Variants in CRTC3 observed in about 807,000 individuals in gnomAD.
The protein encoded by CRTC3 is CREB regulated transcription coactivator 3, also known as CREB-regulated transcription coactivator 3.
In CRTC3, 26 loss-of-function variants were observed where a neutral mutation model predicts 74.5. That is an observed-to-expected ratio of 0.35 (90% confidence interval 0.26 to 0.48). The LOEUF is 0.48. Ranked by LOEUF, CRTC3 falls within the 20% of genes least tolerant of loss-of-function variation. The pLI is 0.99. For missense variants in CRTC3, 760 were observed against 787.3 expected (o/e 0.97, Z 0.41); for synonymous variants, 377 against 325.8 (o/e 1.16, Z -1.69).
rs1403645532 is a variant in CRTC3, at chr15:90,643,311, A to T, written c.*1171A>T. On this transcript the variant is annotated 3_prime_UTR_variant, in exon 15 of 15. Coordinates refer to ENST00000268184, the MANE Select transcript of CRTC3 (RefSeq NM_022769.5). ...TTCTCAGAGCTTTAGCTTTTCTAGCACTCGTGCCTATGGTGAAGCATGCAC... is the reference window on the plus strand; with the variant it reads ...TTCTCAGAGCTTTAGCTTTTCTAGCTCTCGTGCCTATGGTGAAGCATGCAC... The T allele has an allele frequency of 4.3e-6, 1 of 231,042 alleles. No individual in the cohort carries two copies. The highest frequency in any genetic ancestry group is 8.6e-6 in the Non-Finnish European group (1 of 116,804). The allele number at this position is 231,042 out of a possible 1,614,324, so 14.3% of individuals were successfully genotyped here.
At chr15:90,568,788 C>T (rs1967185508) in intron 2 of CRTC3, among the ~76,000 whole-genome samples, 1 of 152,208 alleles carries the variant, frequency 6.6e-6, no homozygotes, top group Non-Finnish European at 1.5e-5. Context: ...CAACGTTCAG[C>T]AACCACCACT....
intron 9 of CRTC3, among the ~76,000 whole-genome samples, chr15:90,624,131 C>T (rs1186344784): frequency 1.3e-5 from 2 of 152,140 alleles, no homozygotes; most frequent in Non-Finnish European, 2.9e-5. Flanking sequence ...TGGCTGGCCC[C>T]TGGGAGGTGC....
intron 10 of CRTC3, among the ~76,000 whole-genome samples, chr15:90,626,314 T>C (rs976616715): frequency 6.6e-6 from 1 of 152,240 alleles, no homozygotes; most frequent in African/African-American, 2.4e-5. Context: ...TTAGTGGCTG[T>C]CATCAACATA....
chr15:90,613,175 T>A (rs1158435368), intron 6 of CRTC3, among the ~76,000 whole-genome samples: 2 of 119,820 alleles, frequency 1.7e-5, no homozygotes, highest in Non-Finnish European at 3.3e-5. Context: ...AAAGTGAGAC[T>A]CTGTCTCGGG....
intron 13 of CRTC3, among the ~76,000 whole-genome samples, chr15:90,639,518 C>T (rs1379432609): frequency 6.8e-6 from 1 of 146,726 alleles, no homozygotes; most frequent in African/African-American, 2.5e-5. Flanking sequence ...GGCGTGATCT[C>T]GGCTTACTGC....
At chr15:90,591,841 A>C (rs1277746743) in intron 2 of CRTC3, among the ~76,000 whole-genome samples, 2 of 152,200 alleles carry the variant, frequency 1.3e-5, no homozygotes, top group African/African-American at 4.8e-5. Flanking sequence ...GCCAAGAAGC[A>C]CCTGATGTCA....
chr15:90,533,539 TGG>T (rs1966669119), intron 1 of CRTC3, among the ~76,000 whole-genome samples: 1 of 152,084 alleles, frequency 6.6e-6, no homozygotes, highest in Non-Finnish European at 1.5e-5. Context: ...TTGTTGTTAA[TGG>T]GGTGTGTGTT....
chr15:90,552,995 C>A (rs1349389498), intron 2 of CRTC3, among the ~76,000 whole-genome samples: 1 of 152,170 alleles, frequency 6.6e-6, no homozygotes, highest in African/African-American at 2.4e-5. Context: ...CTGAGACAAT[C>A]TGCTTTTATC....
At chr15:90,552,367 G>A (rs1384400253) in intron 2 of CRTC3, among the ~76,000 whole-genome samples, 4 of 152,202 alleles carry the variant, frequency 2.6e-5, no homozygotes, top group Non-Finnish European at 5.9e-5. Flanking sequence ...TTGAGTCACA[G>A]ATCAGAGAGT....
chr15:90,643,821 T>C lies in CRTC3; in HGVS notation c.*1681T>C, dbSNP rs1969536322. Reference sequence around the variant, plus strand: ...GCCAGGACCTTTGCTTGGACAGCCATTGCCCTTCCAGGAGACCCTGGAGTG... The same window carrying C: ...GCCAGGACCTTTGCTTGGACAGCCACTGCCCTTCCAGGAGACCCTGGAGTG... On this transcript the variant is annotated 3_prime_UTR_variant, in exon 15 of 15. Transcript: ENST00000268184. 4.3e-6 allele frequency: 1 copy of C among 231,334 alleles called. No homozygotes were observed. Among genetic ancestry groups the C allele is most frequent in the African/African-American group, 2.2e-5 (1 of 45,118 alleles). The allele number at this position is 231,334 out of a possible 1,614,324, so 14.3% of individuals were successfully genotyped here. A position where few individuals can be genotyped will look rare whatever the true frequency, so the allele number is the denominator to read the frequency against.
chr15:90,587,223 A>G (rs1184770862), intron 2 of CRTC3, among the ~76,000 whole-genome samples: 1 of 152,222 alleles, frequency 6.6e-6, no homozygotes, highest in East Asian at 1.9e-4. Context: ...GTGTGCACCT[A>G]CACGTAACTG....
At position 90,641,121 on chromosome 15, in the gene CRTC3, C is replaced by G. The variant is rs1969424084; in HGVS notation, c.1573C>G (p.Arg525Gly). The G allele has an allele frequency of 1.2e-6, 2 of 1,613,878 alleles. No homozygotes were observed. The highest frequency in any genetic ancestry group is 2.7e-5 in the African/African-American group (2 of 75,018). ...GGTGCCTCTGGTGCAACAAGGTTCC[C>G]GAGAACTGCAGGACTCTTTTCATTT... ...QQVPLVQQGS[R>G]ELQDSFHLRP... is the part of the protein sequence containing the mutation. Residue 525 changes from arginine to glycine, a missense_variant, in exon 14 of 15, where the codon CGA (arginine) becomes GGA (glycine). Physicochemically the swap from Arg to Gly is moderately radical, Grantham distance 125. Transcript: ENST00000268184.
At chr15:90,593,091 T>C (rs1030310129) in intron 2 of CRTC3, among the ~76,000 whole-genome samples, 7 of 152,136 alleles carry the variant, frequency 4.6e-5, no homozygotes, top group Non-Finnish European at 1.0e-4. Flanking sequence ...AGGCGGAGGT[T>C]GCAGTGAGCT....
At position 90,626,611 on chromosome 15, in the gene CRTC3, C is replaced by CTT. The variant is rs922457681; in HGVS notation, c.967+635_967+636dup. ...GACTACATTTGTTTGAAGCCTGACA[C>CTT]TTTTTTTTTTTTTTTTTTGAGATGG... On this transcript the variant is annotated intron_variant, in intron 10 of 14. Coordinates refer to ENST00000268184, the MANE Select transcript of CRTC3 (RefSeq NM_022769.5). 2.6e-3 allele frequency among the ~76,000 whole-genome samples: 341 copies of CTT among 133,416 alleles called. 5 individuals carry two copies. The highest frequency in any genetic ancestry group is 9.4e-3 in the African/African-American group (321 of 34,172). The allele number at this position is 133,416 out of a possible 152,430, so 87.5% of individuals were successfully genotyped here.
At position 90,556,513 on chromosome 15, in the gene CRTC3, C is replaced by G. The variant is rs1340267502; in HGVS notation, c.231+16376C>G. On this transcript the variant is annotated intron_variant, in intron 2 of 14. Coordinates refer to ENST00000268184, the MANE Select transcript of CRTC3 (RefSeq NM_022769.5). ...ACTGTTCAAGAATGACTCCAAAGTT[C>G]ATGACATAAAGTAGTTTGCATATTT... Among the ~76,000 whole-genome samples the G allele has an allele frequency of 2.0e-5, 3 of 152,272 alleles. No homozygotes were observed. In the East Asian group the frequency reaches 5.8e-4, roughly 29 times the overall value.
intron 2 of CRTC3, among the ~76,000 whole-genome samples, chr15:90,541,355 C>T (rs2151056738): frequency 6.6e-6 from 1 of 152,180 alleles, no homozygotes; most frequent in South Asian, 2.1e-4. Flanking sequence ...CAAATAAAGC[C>T]AAATGTATTA....
chr15:90,626,133 C>A (rs899384616), intron 10 of CRTC3, 140 bp downstream of exon 10: 1 of 713,098 alleles, frequency 1.4e-6, no homozygotes, highest in Non-Finnish European at 2.5e-6. Flanking sequence ...TATCTCCTGA[C>A]CCTGCGGACA....
intron 6 of CRTC3, among the ~76,000 whole-genome samples, chr15:90,612,325 A>G (rs28593638): frequency 0.022 from 3,295 of 152,118 alleles, 132 homozygotes; most frequent in African/African-American, 0.075. Context: ...CGCCTGGCAC[A>G]TAGTAAGTGA....
intron 7 of CRTC3, among the ~76,000 whole-genome samples, chr15:90,615,294 G>A (rs1287963153): frequency 6.6e-6 from 1 of 152,202 alleles, no homozygotes; most frequent in African/African-American, 2.4e-5. Flanking sequence ...ATTGACAAAT[G>A]AGGGTCAGAC....
Sources: allele counts gnomAD v4.1 joint callset (sites outside exome capture counted in the v4.1 genomes callset), GRCh38; gene constraint gnomAD v4.1.1; transcripts MANE v1.5; gene names NCBI Gene and HGNC (gene_info 2026-07-23, HGNC 2026-07-21).